The following CARNMT1 variants were observed in gnomAD, a reference collection of about 807,000 sequenced individuals.
The protein encoded by CARNMT1 is carnosine N-methyltransferase 1.
CARNMT1 carries 28 observed loss-of-function variants against 49.6 expected under a neutral mutation model. The ratio of observed to expected loss-of-function variants is 0.56; its 90% CI spans 0.42 to 0.77. The LOEUF is 0.77. Ranked by LOEUF, CARNMT1 falls within the 30% of genes least tolerant of loss-of-function variation. CARNMT1 has a pLI of 0.00. For synonymous variants in CARNMT1, 178 were observed against 175.0 expected, an observed-to-expected ratio of 1.02 and a Z score of -0.13; for missense variants, 421 against 512.6, an observed-to-expected ratio of 0.82 and a Z score of 1.73.
intron 3 of CARNMT1, among the ~76,000 whole-genome samples, chr9:75,007,231 G>T (rs1292315792): frequency 2.0e-5 from 3 of 151,974 alleles, no homozygotes; most frequent in African/African-American, 7.3e-5. Flanking sequence ...ACATCTTTTT[G>T]GAAACAACAA....
chr9:75,028,209 G>C lies in CARNMT1; in HGVS notation c.33C>G (p.Thr11=), dbSNP rs1000714566. The change falls in exon 1 of 8, where the codon ACC becomes ACG. Residue 11 remains threonine (T), a synonymous_variant. Transcript: ENST00000376834. ...CCCCGCAGCCCTCGGGCAGCCGGGA[G>C]GTGGGCGGCGGAGGGCGACGCCGTC... MQRRRRPPPP[T]SRLPEGCGGG... 5.6e-6 allele frequency: 8 copies of C among 1,436,306 alleles called. No individual in the cohort carries two copies. Among genetic ancestry groups the C allele is most frequent in the African/African-American group, 3.0e-5 (2 of 66,706 alleles). The allele number at this position is 1,436,306 out of a possible 1,614,324, so 89.0% of individuals were successfully genotyped here.
upstream of CARNMT1, chr9:75,028,386 T>C: frequency 1.5e-6 from 2 of 1,296,810 alleles, no homozygotes; most frequent in East Asian, 3.2e-5. Flanking sequence ...CCCTCAGGCC[T>C]CCATCCGCGC....
At chr9:75,006,059 C>A (rs1004178044) in intron 3 of CARNMT1, among the ~76,000 whole-genome samples, 1 of 151,664 alleles carries the variant, frequency 6.6e-6, no homozygotes, top group Non-Finnish European at 1.5e-5. Context: ...CCCTTTTCTT[C>A]CTTTTCTTTT....
At chr9:75,011,161 A>G (rs1382191203) in intron 3 of CARNMT1, among the ~76,000 whole-genome samples, 1 of 152,216 alleles carries the variant, frequency 6.6e-6, no homozygotes, top group Non-Finnish European at 1.5e-5. Flanking sequence ...TTAAAACTAC[A>G]GTATTTGTCA....
Position 74,981,267 on chromosome 9 carries a change from A to G in CARNMT1, c.*2500T>C, listed in dbSNP as rs560506310. Reference sequence around the variant, plus strand: ...CTTGCTCACTTGATTAGCATACCCTATATCTGCACTGCTTCAGAATATAGA... The same window carrying G: ...CTTGCTCACTTGATTAGCATACCCTGTATCTGCACTGCTTCAGAATATAGA... On this transcript the variant is annotated 3_prime_UTR_variant, in exon 8 of 8. Transcript: ENST00000376834. 2 of 152,136 alleles carry G rather than the reference A, an allele frequency of 1.3e-5. No individual in the cohort carries two copies. The highest frequency in any genetic ancestry group is 4.8e-5 in the African/African-American group (2 of 41,450). The allele number at this position is 152,136 out of a possible 1,614,324, so 9.4% of individuals were successfully genotyped here. A position where few individuals can be genotyped will look rare whatever the true frequency, so the allele number is the denominator to read the frequency against.
intron 1 of CARNMT1, among the ~76,000 whole-genome samples, chr9:75,022,767 T>C (rs1822409315): frequency 6.6e-5 from 10 of 152,064 alleles, no homozygotes; most frequent in Admixed American, 6.5e-4. Flanking sequence ...AAAGTGAACT[T>C]AGCACATGCC....
At chr9:75,009,628 T>C (rs1017863487) in intron 3 of CARNMT1, among the ~76,000 whole-genome samples, 18 of 152,162 alleles carry the variant, frequency 1.2e-4, no homozygotes, top group Admixed American at 5.2e-4. Context: ...AGCTAATACA[T>C]GCAAATATAT....
At chr9:74,993,566 T>C (rs1343203641) in intron 6 of CARNMT1, among the ~76,000 whole-genome samples, 1 of 152,124 alleles carries the variant, frequency 6.6e-6, no homozygotes, top group Non-Finnish European at 1.5e-5. Context: ...ATTACTACAG[T>C]AATCCTAATG....
chr9:75,013,165 C>A (rs1380193934), intron 3 of CARNMT1, among the ~76,000 whole-genome samples: 1 of 152,108 alleles, frequency 6.6e-6, no homozygotes, highest in Non-Finnish European at 1.5e-5. Context: ...ATCTCCATAA[C>A]CCATGCACGG....
chr9:75,019,839 G>A (rs866267933), intron 1 of CARNMT1, among the ~76,000 whole-genome samples: 25 of 152,152 alleles, frequency 1.6e-4, no homozygotes, highest in African/African-American at 5.3e-4. Flanking sequence ...GTTTGAGATC[G>A]TGTAACCACA....
chr9:75,012,409 C>T (rs1833720417), intron 3 of CARNMT1, among the ~76,000 whole-genome samples: 2 of 151,654 alleles, frequency 1.3e-5, no homozygotes. Flanking sequence ...GCCTCAGACT[C>T]CTGAGTAGCT....
At chr9:75,028,294 G>T, upstream of CARNMT1, 1 of 1,336,222 alleles carries the variant, frequency 7.5e-7, no homozygotes, top group Non-Finnish European at 9.5e-7. Context: ...GACCGACAGC[G>T]TGGTGGCGGC....
Position 74,983,741 on chromosome 9 carries a change from T to C in CARNMT1, c.*26A>G. On this transcript the variant is annotated 3_prime_UTR_variant, in exon 8 of 8. Transcript: ENST00000376834. ...TCAGCATTTGTTCTTACTAAACTTT[T>C]TTCCAGGTGGTATCACTTGAGACCA... 2.1e-6 allele frequency: 3 copies of C among 1,425,298 alleles called. No individual in the cohort carries two copies. Among genetic ancestry groups the C allele is most frequent in the Non-Finnish European group, 2.9e-6 (3 of 1,035,704 alleles). The allele number at this position is 1,425,298 out of a possible 1,614,324, so 88.3% of individuals were successfully genotyped here.
intron 6 of CARNMT1, among the ~76,000 whole-genome samples, chr9:74,995,698 T>A (rs1294734090): frequency 6.6e-6 from 1 of 152,184 alleles, no homozygotes; most frequent in Non-Finnish European, 1.5e-5. Context: ...ACCATGTACG[T>A]TATGTCCTTT....
intron 1 of CARNMT1, among the ~76,000 whole-genome samples, chr9:75,018,422 A>G (rs1388181866): frequency 6.6e-6 from 1 of 152,166 alleles, no homozygotes; most frequent in Non-Finnish European, 1.5e-5. Context: ...TTTTATATTG[A>G]CAAGATGGCC....
intron 3 of CARNMT1, chr9:75,015,796 A>G (rs1833830708): frequency 6.8e-6 from 1 of 147,616 alleles, no homozygotes. Flanking sequence ...AAAAATAAAT[A>G]AATAAATAAA....
At chr9:74,991,443 C>T (rs1466474760) in intron 6 of CARNMT1, among the ~76,000 whole-genome samples, 2 of 151,874 alleles carry the variant, frequency 1.3e-5, no homozygotes, top group Non-Finnish European at 2.9e-5. Flanking sequence ...CCCGGCCAAA[C>T]CTTGGTACGT....
At chr9:75,027,979 G>T in intron 1 of CARNMT1, 33 bp downstream of exon 1, 1 of 1,533,694 alleles carries the variant, frequency 6.5e-7, no homozygotes, top group Non-Finnish European at 8.7e-7. Flanking sequence ...GCGCCCCGAC[G>T]GTCTGGGCCG....
Position 74,998,780 on chromosome 9 carries a change from C to A in CARNMT1, c.732-4G>T. 1 of 1,491,722 alleles carries A rather than the reference C, an allele frequency of 6.7e-7. No homozygotes were observed. The highest frequency in any genetic ancestry group is 9.0e-7 in the Non-Finnish European group (1 of 1,110,022). The allele number at this position is 1,491,722 out of a possible 1,614,324, so 92.4% of individuals were successfully genotyped here. ...ATATTTATTAATTTCAGAACATCTG[C>A]AAAATATGAGTATAAAATCAGGTGT... On this transcript the variant is annotated splice_polypyrimidine_tract_variant and splice_region_variant and intron_variant, in intron 4 of 7. Coordinates refer to ENST00000376834, the MANE Select transcript of CARNMT1 (RefSeq NM_152420.3).
Sources: allele counts gnomAD v4.1 joint callset (sites outside exome capture counted in the v4.1 genomes callset), GRCh38; gene constraint gnomAD v4.1.1; transcripts MANE v1.5; gene names NCBI Gene and HGNC (gene_info 2026-07-23, HGNC 2026-07-21).